Variants in ZNF790 observed in about 807,000 individuals in gnomAD.
The protein encoded by ZNF790 is zinc finger protein 790.
ZNF790 carries 8 observed loss-of-function variants against 12.1 expected under a neutral mutation model. That is an observed-to-expected ratio of 0.66 (90% CI 0.39 to 1.19). ZNF790 has a LOEUF of 1.19. ZNF790 is among the 50% of genes most tolerant of loss of function. The pLI, the probability that ZNF790 is intolerant of heterozygous loss-of-function variation, is 0.01. For missense variants in ZNF790, 707 were observed against 752.2 expected (o/e 0.94, Z 0.70); for synonymous variants, 252 against 244.3 (o/e 1.03, Z -0.29).
At chr19:36,836,627 C>T (rs1046134265) in intron 1 of ZNF790, among the ~76,000 whole-genome samples, 3 of 151,954 alleles carry the variant, frequency 2.0e-5, no homozygotes, top group Admixed American at 1.3e-4. Flanking sequence ...CGTGGTGGCA[C>T]GCACCTGTAG....
chr19:36,847,713 A>G (rs911698890), intron 1 of ZNF790, among the ~76,000 whole-genome samples: 3 of 150,006 alleles, frequency 2.0e-5, no homozygotes, highest in Admixed American at 6.7e-5. Context: ...TCACGTCATT[A>G]CACTCCAGCC....
rs556524944 is a variant in ZNF790, at chr19:36,819,280, TGA to T, written c.1062_1063del (p.Gln355AlafsTer8). 1,014 of 1,611,764 alleles carry T rather than the reference TGA, an allele frequency of 6.3e-4. 2 individuals carry two copies. The highest frequency in any genetic ancestry group is 2.8e-3 in the Middle Eastern group (17 of 6,050). On this transcript the variant is annotated frameshift_variant, in exon 5 of 5. Coordinates refer to ENST00000356725, the MANE Select transcript of ZNF790 (RefSeq NM_206894.4). LOFTEE classifies it low-confidence loss of function (END_TRUNC). Reference sequence around the variant, plus strand: ...CTCACCAGTATGAATTCTCTGATGCTGAGTTAGGTGTGATCCACGAGTAAAAG... The same window carrying T: ...CTCACCAGTATGAATTCTCTGATGCTGTTAGGTGTGATCCACGAGTAAAAG...
chr19:36,821,573 TTTTATTTATTTA>T (rs535632117), intron 4 of ZNF790, among the ~76,000 whole-genome samples: 5 of 151,750 alleles, frequency 3.3e-5, no homozygotes, highest in Admixed American at 6.6e-5. Context: ...GAGTTTGTCT[TTTTATTTATTTA>T]TTTATTTATT....
Position 36,817,813 on chromosome 19 carries a change from A to G in ZNF790, c.*620T>C, listed in dbSNP as rs2071580277. On this transcript the variant is annotated 3_prime_UTR_variant, in exon 5 of 5. Coordinates refer to ENST00000356725, the MANE Select transcript of ZNF790 (RefSeq NM_206894.4). ...ATGAAAGATTTCCAAAATGAATTAT[A>G]TATAAATTCTTGTGGGTTTTTGTTT... 1 of 152,270 alleles carries G rather than the reference A, an allele frequency of 6.6e-6. No homozygotes were observed. The highest frequency in any genetic ancestry group is 1.9e-4 in the East Asian group (1 of 5,176). 9.4% of individuals were successfully genotyped at this position (152,270 alleles called of 1,614,324 possible).
intron 1 of ZNF790, among the ~76,000 whole-genome samples, chr19:36,844,824 G>A (rs1053724596): frequency 5.9e-5 from 9 of 151,392 alleles, no homozygotes; most frequent in African/African-American, 1.9e-4. Context: ...CGAGGCGGGC[G>A]GATCACGAGG....
intron 4 of ZNF790, 108 bp from the exon 5 acceptor site, chr19:36,820,222 G>T: frequency 8.4e-7 from 1 of 1,196,016 alleles, no homozygotes; most frequent in Non-Finnish European, 1.1e-6. Flanking sequence ...AGAAGTGAAT[G>T]GCTTAGAAAA....
chr19:36,823,841 T>C (rs779064456), intron 2 of ZNF790, 51 bp from the exon 3 acceptor site: 4 of 1,536,084 alleles, frequency 2.6e-6, no homozygotes, highest in Non-Finnish European at 3.5e-6. Context: ...TTAAAAATAA[T>C]TATAATCCCT....
At chr19:36,848,639 T>TTTTG (rs140354605) in intron 1 of ZNF790, among the ~76,000 whole-genome samples, 7 of 152,080 alleles carry the variant, frequency 4.6e-5, no homozygotes, top group African/African-American at 1.4e-4. Flanking sequence ...TTTTGGGTCT[T>TTTTG]TTTGTTTGTT....
intron 1 of ZNF790, among the ~76,000 whole-genome samples, chr19:36,845,643 T>C (rs562413859): frequency 3.5e-4 from 54 of 152,266 alleles, no homozygotes; most frequent in African/African-American, 1.3e-3. Context: ...TGTCCTAGAC[T>C]AAAAGAAAGA....
At chr19:36,841,362 G>A (rs1324745264), upstream of ZNF790, among the ~76,000 whole-genome samples, 1 of 152,192 alleles carries the variant, frequency 6.6e-6, no homozygotes, top group African/African-American at 2.4e-5. Context: ...GGTCATGCCT[G>A]TAATCCCAGC....
chr19:36,850,241 C>T (rs2072233133), exon 1 of ZNF790: 1 of 152,286 alleles, frequency 6.6e-6, no homozygotes, highest in South Asian at 2.1e-4. Context: ...ACGCAGCACA[C>T]TTTAGTTGGG....
chr19:36,848,715 A>T (rs1306428576), intron 1 of ZNF790, among the ~76,000 whole-genome samples: 1 of 152,136 alleles, frequency 6.6e-6, no homozygotes, highest in Non-Finnish European at 1.5e-5. Flanking sequence ...AAGGGAGAAG[A>T]CAGAAGGAAG....
intron 1 of ZNF790, among the ~76,000 whole-genome samples, chr19:36,834,046 C>G (rs992740972): frequency 3.6e-4 from 54 of 151,930 alleles, no homozygotes; most frequent in African/African-American, 1.3e-3. Flanking sequence ...AGTTCGAGAC[C>G]AGCCTGACCA....
intron 1 of ZNF790, among the ~76,000 whole-genome samples, chr19:36,831,085 G>C (rs567925174): frequency 6.6e-6 from 1 of 152,010 alleles, no homozygotes; most frequent in African/African-American, 2.4e-5. Flanking sequence ...GTTCCAGTGA[G>C]CCAAGATCAC....
rs1568332888 is a variant in ZNF790, at chr19:36,819,132, A to G, written c.1212T>C (p.Ile404=). 1 of 1,613,624 alleles carries G rather than the reference A, an allele frequency of 6.2e-7. No individual in the cohort carries two copies. Among genetic ancestry groups the G allele is most frequent in the East Asian group, 2.2e-5 (1 of 44,844 alleles). The change falls in exon 5 of 5, where the codon ATT becomes ATC. Residue 404 remains isoleucine, a synonymous_variant. Coordinates refer to ENST00000356725, the MANE Select transcript of ZNF790 (RefSeq NM_206894.4). ...YKCEKCGKAY[I]WSSHLARHQR... ...GATGTCGAGCAAGGTGTGAGCTCCAAATATAGGCTTTCCCACATTTCTCAC... is the reference window on the plus strand; with the variant it reads ...GATGTCGAGCAAGGTGTGAGCTCCAGATATAGGCTTTCCCACATTTCTCAC...
intron 1 of ZNF790, among the ~76,000 whole-genome samples, chr19:36,832,462 C>T (rs1210129801): frequency 6.6e-6 from 1 of 152,188 alleles, no homozygotes; most frequent in Non-Finnish European, 1.5e-5. Context: ...TCCTTTTGCT[C>T]TGGAGAAAAC....
At chr19:36,835,944 A>G (rs1490129474) in intron 1 of ZNF790, among the ~76,000 whole-genome samples, 1 of 152,004 alleles carries the variant, frequency 6.6e-6, no homozygotes, top group Non-Finnish European at 1.5e-5. Flanking sequence ...CCCCATTTCA[A>G]GGTTCTTAAC....
At chr19:36,833,173 C>T (rs1329492746) in intron 1 of ZNF790, among the ~76,000 whole-genome samples, 3 of 152,180 alleles carry the variant, frequency 2.0e-5, no homozygotes, top group Non-Finnish European at 1.5e-5. Context: ...GACAGAGTCT[C>T]GCTCTGTCAC....
intron 1 of ZNF790, among the ~76,000 whole-genome samples, chr19:36,844,494 A>T (rs933389641): frequency 6.6e-6 from 1 of 152,128 alleles, no homozygotes; most frequent in Non-Finnish European, 1.5e-5. Flanking sequence ...TAGTGTACAC[A>T]TTGGTATGTA....
Sources: allele counts gnomAD v4.1 joint callset (sites outside exome capture counted in the v4.1 genomes callset), GRCh38; gene constraint gnomAD v4.1.1; transcripts MANE v1.5; gene names NCBI Gene and HGNC (gene_info 2026-07-23, HGNC 2026-07-21).